NXPE2: variants seen among roughly 807,000 people sequenced by gnomAD.
NXPE2 encodes neurexophilin and PC-esterase domain family member 2.
Under a neutral mutation model 34.4 loss-of-function variants are expected in NXPE2, and 34 were observed. The ratio of observed to expected loss-of-function variants is 0.99; its 90% CI spans 0.75 to 1.31. The LOEUF is 1.31. NXPE2 is among the 40% of genes most tolerant of loss of function. The pLI is 0.00. For synonymous variants in NXPE2, 235 were observed against 231.3 expected, an observed-to-expected ratio of 1.02 and a Z score of -0.15; for missense variants, 649 against 672.5, an observed-to-expected ratio of 0.97 and a Z score of 0.39.
chr11:114,545,742 G>A, the NXPE2 span, among the ~76,000 whole-genome samples: 1 of 150,782 alleles, frequency 6.6e-6, no homozygotes, highest in Non-Finnish European at 1.5e-5. Flanking sequence ...AGGCTGGAGT[G>A]CAGTGGCGTG....
At chr11:114,557,334 C>T in the NXPE2 span, among the ~76,000 whole-genome samples, 2 of 151,998 alleles carry the variant, frequency 1.3e-5, no homozygotes, top group Non-Finnish European at 2.9e-5. Flanking sequence ...TTAATGAAGT[C>T]TAATATAAAT....
chr11:114,530,874 T>C, the NXPE2 span: 1 of 1,612,868 alleles, frequency 6.2e-7, no homozygotes, highest in Admixed American at 1.7e-5. Context: ...GTTCCAGTAA[T>C]GGACAGAGAT....
the NXPE2 span, among the ~76,000 whole-genome samples, chr11:114,712,698 G>A: frequency 4.6e-5 from 7 of 152,140 alleles, no homozygotes; most frequent in Non-Finnish European, 7.4e-5. Context: ...CATACATACC[G>A]AAAAACAGTA....
At chr11:114,778,282 A>G in the NXPE2 span, among the ~76,000 whole-genome samples, 1 of 152,332 alleles carries the variant, frequency 6.6e-6, no homozygotes, top group South Asian at 2.1e-4. Flanking sequence ...AGTGGTCAAG[A>G]ACAAGGATGA....
At chr11:114,603,182 A>G in the NXPE2 span, among the ~76,000 whole-genome samples, 7 of 151,938 alleles carry the variant, frequency 4.6e-5, no homozygotes, top group Non-Finnish European at 8.8e-5. Context: ...CTGGTGGATG[A>G]TAAGTATTGC....
chr11:114,507,763 A>G, the NXPE2 span, among the ~76,000 whole-genome samples: 3 of 152,136 alleles, frequency 2.0e-5, no homozygotes, highest in African/African-American at 4.8e-5. Flanking sequence ...AGAGCCATAT[A>G]TGACAAACCC....
the NXPE2 span, among the ~76,000 whole-genome samples, chr11:114,578,270 T>C: frequency 3.3e-5 from 5 of 152,216 alleles, no homozygotes; most frequent in African/African-American, 1.2e-4. Context: ...TCCAACTTAC[T>C]TCAGTTTTCT....
the NXPE2 span, among the ~76,000 whole-genome samples, chr11:114,572,087 A>G: frequency 6.6e-6 from 1 of 152,140 alleles, no homozygotes; most frequent in Non-Finnish European, 1.5e-5. Context: ...GATTCTTTGC[A>G]GACACTCTCC....
chr11:114,796,626 T>C, the NXPE2 span, among the ~76,000 whole-genome samples: 3 of 152,244 alleles, frequency 2.0e-5, no homozygotes, highest in Non-Finnish European at 4.4e-5. Context: ...GATTTACTTA[T>C]CTAGCAAATA....
intron 3 of NXPE2, among the ~76,000 whole-genome samples, chr11:114,702,768 C>T (rs1288674337): frequency 1.3e-5 from 2 of 152,146 alleles, no homozygotes; most frequent in Non-Finnish European, 2.9e-5. Context: ...ATGACTCCAC[C>T]ACTCCATGCA....
At chr11:114,736,625 G>C in the NXPE2 span, among the ~76,000 whole-genome samples, 2 of 151,994 alleles carry the variant, frequency 1.3e-5, no homozygotes, top group Non-Finnish European at 2.9e-5. Flanking sequence ...ATCATCACAG[G>C]GTCCTGAGGT....
chr11:114,556,445 G>C, the NXPE2 span, among the ~76,000 whole-genome samples: 1 of 151,984 alleles, frequency 6.6e-6, no homozygotes, highest in Admixed American at 6.6e-5. Context: ...TTTCTTCTAA[G>C]GCCTTTCTCC....
At chr11:114,510,801 A>G in the NXPE2 span, among the ~76,000 whole-genome samples, 3 of 152,242 alleles carry the variant, frequency 2.0e-5, no homozygotes, top group African/African-American at 7.2e-5. Context: ...TCAACAAATT[A>G]AAGATAAATA....
chr11:114,527,905 CA>C, the NXPE2 span: 242,605 of 1,472,248 alleles, frequency 0.16, 21,969 homozygotes, highest in African/African-American at 0.46. Flanking sequence ...TTTGGACCTT[CA>C]AAAAAAAAAT....
the NXPE2 span, among the ~76,000 whole-genome samples, chr11:114,481,768 AATCT>A: frequency 6.6e-6 from 1 of 152,140 alleles, no homozygotes; most frequent in East Asian, 1.9e-4. Flanking sequence ...AAATTTTTGA[AATCT>A]ATCTCCCTTC....
chr11:114,470,573 A>T, the NXPE2 span, among the ~76,000 whole-genome samples: 1 of 148,434 alleles, frequency 6.7e-6, no homozygotes, highest in African/African-American at 2.5e-5. Flanking sequence ...TCCAGAGAAA[A>T]AGAATTGACG....
At chr11:114,644,559 A>G in the NXPE2 span, among the ~76,000 whole-genome samples, 2 of 152,188 alleles carry the variant, frequency 1.3e-5, no homozygotes, top group Non-Finnish European at 2.9e-5. Context: ...TGCATGTACA[A>G]CATCTAAAAT....
chr11:114,537,575 C>T, the NXPE2 span, among the ~76,000 whole-genome samples: 37 of 152,290 alleles, frequency 2.4e-4, no homozygotes, highest in Non-Finnish European at 1.8e-4. Flanking sequence ...TAAGCAACTT[C>T]AGCAAAGTCT....
chr11:114,597,318 A>C, the NXPE2 span, among the ~76,000 whole-genome samples: 1 of 152,232 alleles, frequency 6.6e-6, no homozygotes, highest in Non-Finnish European at 1.5e-5. Context: ...ATTCAAATAT[A>C]TGAACAGTGA....
Sources: allele counts gnomAD v4.1 joint callset (sites outside exome capture counted in the v4.1 genomes callset), GRCh38; gene constraint gnomAD v4.1.1; transcripts MANE v1.5; gene names NCBI Gene and HGNC (gene_info 2026-07-23, HGNC 2026-07-21).